EDA: variants seen among roughly 807,000 people sequenced by gnomAD.
EDA encodes the protein ectodysplasin-A.
In EDA, 2 loss-of-function variants were observed where a neutral mutation model predicts 23.6. The observed-to-expected ratio is 0.08, with a 90% CI of 0.03 to 0.27. The LOEUF is 0.27. Ranked by LOEUF, EDA falls within the 10% of genes least tolerant of loss-of-function variation. EDA has a pLI of 1.00. For synonymous variants in EDA, 131 were observed against 132.0 expected, an observed-to-expected ratio of 0.99 and a Z score of 0.05; for missense variants, 229 against 324.2, an observed-to-expected ratio of 0.71 and a Z score of 2.26.
chrX:69,951,278 A>G (rs1274417237), intron 1 of EDA, among the ~76,000 whole-genome samples: 1 of 111,214 alleles, frequency 9.0e-6, no homozygotes, highest in Non-Finnish European at 1.9e-5. Flanking sequence ...CCTCTAGAGG[A>G]TGCAGCAACA....
rs781427655 is a variant in EDA, at chrX:69,890,321, A to G, written c.397-66706A>G. 4.5e-5 allele frequency among the ~76,000 whole-genome samples: 5 copies of G among 111,071 alleles called. No homozygotes were observed. In the South Asian group the frequency reaches 1.9e-3, roughly 42 times the overall value. The stretch of plus-strand genomic sequence containing the variant: ...ACTGCCCAGAGCAATTTAAAGATTC[A>G]ATGCCATTCACATTAAATTACCAGT... On this transcript the variant is annotated intron_variant, in intron 1 of 7. Coordinates refer to ENST00000374552, the MANE Select transcript of EDA (RefSeq NM_001399.5).
At chrX:69,678,582 C>G (rs1365088859) in intron 1 of EDA, among the ~76,000 whole-genome samples, 1 of 109,650 alleles carries the variant, frequency 9.1e-6, no homozygotes, top group Non-Finnish European at 1.9e-5. Flanking sequence ...CTCTTTGTAG[C>G]AATTGTGAAT....
intron 2 of EDA, among the ~76,000 whole-genome samples, chrX:70,016,732 A>T (rs2147494869): frequency 8.9e-6 from 1 of 111,972 alleles, no homozygotes; most frequent in East Asian, 2.8e-4. Context: ...AGCAGTGCTA[A>T]GTACTAGATG....
chrX:69,687,206 T>C (rs1422233136), intron 1 of EDA, among the ~76,000 whole-genome samples: 2 of 111,912 alleles, frequency 1.8e-5, no homozygotes, highest in Admixed American at 9.5e-5. Context: ...TGGCTACTTA[T>C]ACGTATCCTT....
At chrX:69,771,407 A>G (rs1307118874) in intron 1 of EDA, among the ~76,000 whole-genome samples, 3 of 111,405 alleles carry the variant, frequency 2.7e-5, no homozygotes, top group Admixed American at 9.6e-5. Flanking sequence ...AACCTTGACA[A>G]CATAATTAAA....
rs751226565 is a variant in EDA, at chrX:69,819,641, A to G, written c.397-137386A>G. Among the ~76,000 whole-genome samples the G allele has an allele frequency of 9.0e-5, 10 of 111,699 alleles. No homozygotes were observed. In the South Asian group the frequency reaches 3.7e-3, roughly 42 times the overall value. On this transcript the variant is annotated intron_variant, in intron 1 of 7. Coordinates refer to ENST00000374552, the MANE Select transcript of EDA (RefSeq NM_001399.5). ...CCCACTCATAATTGCTACAAAAGGA[A>G]TAAAATGCCTAGGAATATGGCTAAC... is the stretch of plus-strand genomic sequence containing the variant.
At chrX:69,674,531 C>A (rs889037756) in intron 1 of EDA, among the ~76,000 whole-genome samples, 2 of 112,026 alleles carry the variant, frequency 1.8e-5, no homozygotes, top group South Asian at 3.7e-4. Context: ...ATGTAATGTA[C>A]AACCTTTAGC....
At chrX:69,849,116 CACACACACACACACACAT>C (rs1421631941) in intron 1 of EDA, among the ~76,000 whole-genome samples, 71 of 97,493 alleles carry the variant, frequency 7.3e-4, no homozygotes, top group Middle Eastern at 5.1e-3. Context: ...CACACACACA[CACACACACACACACACAT>C]ACATATTATT....
chrX:69,662,818 CTTG>C (rs1933556759), intron 1 of EDA, among the ~76,000 whole-genome samples: 1 of 112,336 alleles, frequency 8.9e-6, no homozygotes, highest in Middle Eastern at 4.6e-3. Context: ...AGATGAGGAA[CTTG>C]TTGGGAACTG....
chrX:69,974,344 T>C (rs2019288274), intron 2 of EDA, among the ~76,000 whole-genome samples: 1 of 110,602 alleles, frequency 9.0e-6, no homozygotes, highest in African/African-American at 3.3e-5. Context: ...TAACTGACTG[T>C]CCAAAATAAT....
In EDA at chrX:69,749,908, C is replaced by T. The variant is rs763494376; in HGVS notation, c.396+133204C>T. The stretch of plus-strand genomic sequence containing the variant: ...CTTTTAGAAACTTTTTAGAAACTTC[C>T]TCTCACTAAGGTTCTTTTTTTTTTT... On this transcript the variant is annotated intron_variant, in intron 1 of 7. Transcript: ENST00000374552. Among the ~76,000 whole-genome samples the T allele has an allele frequency of 5.2e-5, 5 of 96,133 alleles. No homozygotes were observed. The East Asian group carries it at 1.6e-3, about 30-fold the overall frequency. 83.5% of individuals were successfully genotyped at this position (96,133 alleles called of 115,157 possible).
chrX:69,681,168 G>A (rs755161836), intron 1 of EDA, among the ~76,000 whole-genome samples: 3 of 111,446 alleles, frequency 2.7e-5, no homozygotes, highest in African/African-American at 6.5e-5. Context: ...CTTCTGGCTT[G>A]TAGAGTTTCT....
At chrX:69,977,513 C>T (rs1238679067) in intron 2 of EDA, among the ~76,000 whole-genome samples, 2 of 111,533 alleles carry the variant, frequency 1.8e-5, no homozygotes, top group Non-Finnish European at 3.8e-5. Context: ...ACCCATTTGC[C>T]CCAAACTCTA....
At chrX:69,851,157 TTGTG>T (rs57593985) in intron 1 of EDA, among the ~76,000 whole-genome samples, 9 of 101,892 alleles carry the variant, frequency 8.8e-5, no homozygotes, top group African/African-American at 2.8e-4. Flanking sequence ...GATCAAGGGT[TTGTG>T]TGTGTGTGTG....
At chrX:69,704,679 T>C (rs2520370) in intron 1 of EDA, among the ~76,000 whole-genome samples, 33,264 of 109,719 alleles carry the variant, frequency 0.3, 4,895 homozygotes, top group Middle Eastern at 0.55. Context: ...TGGGGACTAC[T>C]GTACTTAATA....
At chrX:69,918,173 T>TC (rs1556031677) in intron 1 of EDA, among the ~76,000 whole-genome samples, 17 of 79,135 alleles carry the variant, frequency 2.1e-4, no homozygotes, top group South Asian at 1.4e-3. Flanking sequence ...TTTTTTTTTT[T>TC]CCAGACAGAG....
At chrX:70,029,309 G>A (rs1476341942) in intron 4 of EDA, among the ~76,000 whole-genome samples, 195 bp from the exon 5 acceptor site, 1 of 112,239 alleles carries the variant, frequency 8.9e-6, no homozygotes, top group Non-Finnish European at 1.9e-5. Context: ...TGGGTGCTGG[G>A]CCCACTGAAG....
At chrX:69,918,059 A>G (rs1193126432) in intron 1 of EDA, among the ~76,000 whole-genome samples, 2 of 111,027 alleles carry the variant, frequency 1.8e-5, no homozygotes, top group African/African-American at 6.5e-5. Context: ...ACTGGTGATG[A>G]AATTATGCCT....
intron 1 of EDA, among the ~76,000 whole-genome samples, chrX:69,805,873 A>G (rs772542499): frequency 6.3e-4 from 71 of 111,867 alleles, no homozygotes; most frequent in Non-Finnish European, 1.1e-3. Flanking sequence ...ACACTCTGAT[A>G]TAGGAAGATC....
Sources: gnomAD v4.1 joint callset for allele counts (sites outside exome capture counted in the v4.1 genomes callset) on GRCh38, gnomAD v4.1.1 for gene constraint, MANE v1.5 for transcripts, NCBI Gene and HGNC (gene_info 2026-07-23, HGNC 2026-07-21) for gene names.